RNPC3: variants seen among roughly 807,000 people sequenced by gnomAD.
RNPC3 encodes the protein RNA binding region (RNP1, RRM) containing 3, also known as RNA-binding region-containing protein 3.
In RNPC3, 48 loss-of-function variants were observed where a neutral mutation model predicts 67.5. The ratio of observed to expected loss-of-function variants is 0.71; its 90% CI spans 0.56 to 0.90. The LOEUF (loss-of-function observed/expected upper bound fraction) is 0.90, where lower values mean the gene tolerates loss of function less well. RNPC3 is among the 40% of genes least tolerant of loss of function. The probability of loss-of-function intolerance (pLI) is 0.00; values close to 1 mark genes in which losing one functional copy is unlikely to be tolerated. For synonymous variants in RNPC3, 239 were observed against 210.3 expected, an observed-to-expected ratio of 1.14 and a Z score of -1.18; for missense variants, 637 against 626.1, an observed-to-expected ratio of 1.02 and a Z score of -0.19.
chr1:103,529,584 A>G (rs1404775994), intron 2 of RNPC3, among the ~76,000 whole-genome samples: 2 of 152,202 alleles, frequency 1.3e-5, no homozygotes, highest in East Asian at 3.9e-4. Context: ...TAAATCTTTG[A>G]AAATAAGAAC....
chr1:103,528,284 G>T (rs1350520029), intron 2 of RNPC3, among the ~76,000 whole-genome samples: 1 of 152,162 alleles, frequency 6.6e-6, no homozygotes, highest in Admixed American at 6.5e-5. Flanking sequence ...GGTTTAGTAG[G>T]TGGACACTTG....
Position 103,537,499 on chromosome 1 carries a change from A to C in RNPC3, c.767+15A>C. 1 of 1,526,066 alleles carries C rather than the reference A, an allele frequency of 6.6e-7. No homozygotes were observed. The highest frequency in any genetic ancestry group is 8.8e-7 in the Non-Finnish European group (1 of 1,141,816). 94.5% of individuals were successfully genotyped at this position (1,526,066 alleles called of 1,614,324 possible). A position where few individuals can be genotyped will look rare whatever the true frequency, so the allele number is the denominator to read the frequency against. On this transcript the variant is annotated intron_variant, in intron 7 of 14. Coordinates refer to ENST00000423855, the MANE Select transcript of RNPC3 (RefSeq NM_017619.4). ...GACCGACAGAGGTTTGTAACATGAAAAATTTGTTTAGTTTCCAAGAAACAT... is the reference window on the plus strand; with the variant it reads ...GACCGACAGAGGTTTGTAACATGAACAATTTGTTTAGTTTCCAAGAAACAT...
At chr1:103,534,714 C>A in intron 3 of RNPC3, 60 bp from the exon 4 acceptor site, 2 of 755,568 alleles carry the variant, frequency 2.6e-6, no homozygotes, top group Admixed American at 3.7e-5. Flanking sequence ...TTTATCTTTT[C>A]TGTGTGCAGT....
intron 14 of RNPC3, 108 bp downstream of exon 14, chr1:103,551,900 T>C (rs538731002): frequency 8.6e-6 from 5 of 584,498 alleles, no homozygotes; most frequent in African/African-American, 2.0e-5. Context: ...TTTTTTTTTT[T>C]GAGGAAATAC....
In RNPC3 at chr1:103,525,778, G is replaced by C; in HGVS notation, c.-293G>C. On this transcript the variant is annotated 5_prime_UTR_variant, in exon 1 of 15. Transcript: ENST00000423855. Reference sequence around the variant, plus strand: ...GGGGTTCCTGTTTCCTTCTTTGATTGACAACTTGTGTTAACCCTCGCACAT... The same window carrying C: ...GGGGTTCCTGTTTCCTTCTTTGATTCACAACTTGTGTTAACCCTCGCACAT... 1 of 275,456 alleles carries C rather than the reference G, an allele frequency of 3.6e-6. No individual in the cohort carries two copies. The highest frequency in any genetic ancestry group is 6.8e-6 in the Non-Finnish European group (1 of 146,502). The allele number at this position is 275,456 out of a possible 1,614,324, so 17.1% of individuals were successfully genotyped here.
intron 2 of RNPC3, among the ~76,000 whole-genome samples, chr1:103,533,214 G>A (rs548640146): frequency 6.6e-6 from 1 of 152,106 alleles, no homozygotes; most frequent in African/African-American, 2.4e-5. Context: ...GTAGATGGGG[G>A]GTTATAGTGG....
chr1:103,549,520 A>G (rs1318093752), intron 12 of RNPC3, among the ~76,000 whole-genome samples: 2 of 151,718 alleles, frequency 1.3e-5, no homozygotes, highest in South Asian at 2.1e-4. Context: ...GATTATAAGG[A>G]AAAAAAAATT....
chr1:103,526,299 A>C (rs1454497067), intron 1 of RNPC3, 37 bp downstream of exon 1: 3 of 1,478,750 alleles, frequency 2.0e-6, no homozygotes, highest in Admixed American at 4.7e-5. Context: ...CCGGGAAGGC[A>C]TTTGGGAAGT....
intron 14 of RNPC3, chr1:103,554,024 C>T (rs1390977823): frequency 6.6e-6 from 1 of 152,142 alleles, no homozygotes; most frequent in Non-Finnish European, 1.5e-5. Context: ...CAGTGGTTCT[C>T]AGTCTTGGCT....
At chr1:103,531,152 A>G (rs558022596) in intron 2 of RNPC3, among the ~76,000 whole-genome samples, 19 of 152,280 alleles carry the variant, frequency 1.2e-4, no homozygotes, top group Admixed American at 9.8e-4. Context: ...CATTCCATCT[A>G]GGTTGCTGCA....
At chr1:103,545,204 C>G (rs752165442) in intron 10 of RNPC3, 102 bp downstream of exon 10, 7 of 921,784 alleles carry the variant, frequency 7.6e-6, no homozygotes, top group Non-Finnish European at 1.1e-5. Context: ...ATTTAAGGCA[C>G]ATACTTTAAA....
chr1:103,551,645 C>T, intron 13 of RNPC3, 76 bp from the exon 14 acceptor site: 7 of 906,034 alleles, frequency 7.7e-6, no homozygotes, highest in Non-Finnish European at 1.2e-5. Context: ...CCACCATACA[C>T]TAGAAAGTTT....
intron 2 of RNPC3, among the ~76,000 whole-genome samples, chr1:103,532,505 A>T (rs1420902766): frequency 6.6e-6 from 1 of 152,098 alleles, no homozygotes; most frequent in East Asian, 1.9e-4. Context: ...CTGTGCTGAA[A>T]TTATAAATTA....
chr1:103,546,784 C>A, intron 11 of RNPC3, 193 bp from the exon 12 acceptor site: 1 of 448,814 alleles, frequency 2.2e-6, no homozygotes, highest in Non-Finnish European at 3.9e-6. Flanking sequence ...ACAATTTCTG[C>A]CTTTGTACAT....
Position 103,527,720 on chromosome 1 carries a change from C to A in RNPC3, c.218C>A (p.Pro73His). 6.5e-7 allele frequency: 1 copy of A among 1,548,644 alleles called. No homozygotes were observed. The highest frequency in any genetic ancestry group is 1.2e-5 in the South Asian group (1 of 83,736). The change falls in exon 2 of 15, where the codon CCT (proline) becomes CAT (histidine). Residue 73 changes from proline to histidine, a missense_variant. By Grantham distance (77) the Pro-to-His change is moderately conservative. Transcript: ENST00000423855. ...AAACATACAGCTTTTGCCACATTCC[C>A]TAATGAAAAAGCAGCTATAAAGGTA... is the stretch of plus-strand genomic sequence containing the variant. ...RLKHTAFATF[P>H]NEKAAIKALT...
chr1:103,546,195 A>C, intron 10 of RNPC3, 53 bp from the exon 11 acceptor site: 3 of 864,096 alleles, frequency 3.5e-6, no homozygotes, highest in Non-Finnish European at 4.9e-6. Context: ...TATCTTTAAA[A>C]ACTTGCTTAA....
intron 7 of RNPC3, among the ~76,000 whole-genome samples, chr1:103,540,151 G>A (rs998506979): frequency 6.6e-5 from 10 of 152,318 alleles, no homozygotes; most frequent in East Asian, 5.8e-4. Flanking sequence ...ATAGGCGTGA[G>A]CCACCATGTC....
chr1:103,551,611 A>G (rs1311116960), intron 13 of RNPC3, 110 bp from the exon 14 acceptor site: 3 of 593,434 alleles, frequency 5.1e-6, no homozygotes, highest in Non-Finnish European at 8.9e-6. Flanking sequence ...GGAGGCACTC[A>G]AGGTAAATTA....
chr1:103,530,751 C>G (rs1036915349), intron 2 of RNPC3, among the ~76,000 whole-genome samples: 1 of 152,132 alleles, frequency 6.6e-6, no homozygotes, highest in Non-Finnish European at 1.5e-5. Flanking sequence ...TGTGGTAATT[C>G]AGTCCAGAAT....
Sources: gnomAD v4.1 joint callset for allele counts (sites outside exome capture counted in the v4.1 genomes callset) on GRCh38, gnomAD v4.1.1 for gene constraint, MANE v1.5 for transcripts, NCBI Gene and HGNC (gene_info 2026-07-23, HGNC 2026-07-21) for gene names.